NOL10: variants seen among roughly 807,000 people sequenced by gnomAD.
The protein encoded by NOL10 is nucleolar protein 10, also known as H_NH0074G24.1.
In NOL10, 58 loss-of-function variants were observed where a neutral mutation model predicts 103.5. That is an observed-to-expected ratio of 0.56 (90% CI 0.45 to 0.70). The LOEUF (loss-of-function observed/expected upper bound fraction) is 0.70. Ranked by LOEUF, NOL10 falls within the 30% of genes least tolerant of loss-of-function variation. The pLI is 0.00. For missense variants in NOL10, 763 were observed against 807.3 expected (o/e 0.95, Z 0.67); for synonymous variants, 287 against 282.5 (o/e 1.02, Z -0.16).
intron 20 of NOL10, among the ~76,000 whole-genome samples, chr2:10,576,956 T>C (rs1170791585): frequency 6.6e-6 from 1 of 152,108 alleles, no homozygotes; most frequent in East Asian, 1.9e-4. Context: ...TTCTATTTGG[T>C]GACTATATTG....
rs77723934 is a variant in NOL10 at position 10,595,144 on chromosome 2, C to CAGAGAGAGAGAGAGAGAGAGAGAG, written c.1423-5417_1423-5394dup. ...GCAAGAGGGAGGGAGGGGGAGGGGG[C>CAGAGAGAGAGAGAGAGAGAGAGAG]AGAGAGAGAGAGAGAGAGAGAGAGA... On this transcript the variant is annotated intron_variant, in intron 17 of 20. Coordinates refer to ENST00000381685, the MANE Select transcript of NOL10 (RefSeq NM_024894.4). Among the ~76,000 whole-genome samples, 285 of 124,198 alleles carry CAGAGAGAGAGAGAGAGAGAGAGAG rather than the reference C, an allele frequency of 2.3e-3. 1 individual carries two copies. Among genetic ancestry groups the CAGAGAGAGAGAGAGAGAGAGAGAG allele is most frequent in the African/African-American group, 6.2e-3 (200 of 32,120 alleles). 81.5% of individuals were successfully genotyped at this position (124,198 alleles called of 152,430 possible). A position where few individuals can be genotyped will look rare whatever the true frequency, so the allele number is the denominator to read the frequency against.
At chr2:10,688,170 ATCT>A (rs1409299563) in intron 1 of NOL10, among the ~76,000 whole-genome samples, 3 of 152,104 alleles carry the variant, frequency 2.0e-5, no homozygotes, top group Admixed American at 2.0e-4. Flanking sequence ...GTGTTTTAGC[ATCT>A]TCTTTGTTAC....
chr2:10,658,366 T>C (rs1366895495), intron 10 of NOL10, among the ~76,000 whole-genome samples: 2 of 152,160 alleles, frequency 1.3e-5, no homozygotes, highest in African/African-American at 2.4e-5. Context: ...AAAGCTCCCC[T>C]AGGATTAAGT....
intron 17 of NOL10, among the ~76,000 whole-genome samples, chr2:10,599,240 G>A (rs1675851277): frequency 6.6e-6 from 1 of 152,206 alleles, no homozygotes; most frequent in Non-Finnish European, 1.5e-5. Flanking sequence ...AACACAGATA[G>A]GAATGCAAAC....
At chr2:10,665,415 A>T (rs1241582648) in intron 8 of NOL10, among the ~76,000 whole-genome samples, 1 of 152,228 alleles carries the variant, frequency 6.6e-6, no homozygotes, top group Non-Finnish European at 1.5e-5. Flanking sequence ...TAGTTTGACA[A>T]TATTATGATA....
At position 10,684,581 on chromosome 2, in the gene NOL10, T is replaced by C. The variant is rs747531720; in HGVS notation, c.98A>G (p.Gln33Arg). 15 of 1,575,002 alleles carry C rather than the reference T, an allele frequency of 9.5e-6. No individual in the cohort carries two copies. The highest frequency in any genetic ancestry group is 1.2e-5 in the Non-Finnish European group (14 of 1,158,552). The change falls in exon 2 of 21, where the codon CAG becomes CGG. Residue 33 changes from glutamine to arginine, a missense_variant. Transcript: ENST00000381685. ...ACAATACTCACCTACATCTTTCTTC[T>C]GTAGCGCTCTCTTCTTCCTATCAGA... ...WLSDRKKRAL[Q>R]KKDVDVRRRI...
At chr2:10,685,871 C>T (rs1682160702) in intron 1 of NOL10, among the ~76,000 whole-genome samples, 1 of 109,452 alleles carries the variant, frequency 9.1e-6, no homozygotes, top group Admixed American at 8.9e-5. Flanking sequence ...CGAGACCAGC[C>T]TGGCAATAAA....
intron 13 of NOL10, among the ~76,000 whole-genome samples, chr2:10,629,421 T>A (rs1005967735): frequency 2.0e-5 from 3 of 152,060 alleles, no homozygotes; most frequent in African/African-American, 7.2e-5. Flanking sequence ...AAATGTTTAG[T>A]GGGAAAAAAA....
intron 3 of NOL10, among the ~76,000 whole-genome samples, chr2:10,676,804 A>G (rs1300253162): frequency 1.3e-5 from 2 of 151,428 alleles, no homozygotes; most frequent in East Asian, 3.9e-4. Flanking sequence ...TGCCCAGCTA[A>G]TTTTTGTATT....
Position 10,644,231 on chromosome 2 carries a change from G to A in NOL10, c.1026+89C>T, listed in dbSNP as rs150865839. ...CCACTGCACCCCAGCATCGGTGATC[G>A]CCAGACTCCGTCTCAAAAAATTAAA... On this transcript the variant is annotated intron_variant, in intron 13 of 20. Transcript: ENST00000381685. The A allele has an allele frequency of 6.8e-5, 67 of 984,304 alleles. No homozygotes were observed. In the African/African-American group the frequency reaches 7.2e-4, roughly 11 times the overall value. 61.0% of individuals were successfully genotyped at this position (984,304 alleles called of 1,614,324 possible).
chr2:10,661,597 C>G (rs1680212585), intron 9 of NOL10, among the ~76,000 whole-genome samples: 1 of 152,094 alleles, frequency 6.6e-6, no homozygotes, highest in Non-Finnish European at 1.5e-5. Context: ...TCTTGAACTC[C>G]TAACCTCAAG....
chr2:10,677,480 T>C (rs1266273155), intron 3 of NOL10, among the ~76,000 whole-genome samples: 4 of 147,128 alleles, frequency 2.7e-5, no homozygotes, highest in East Asian at 2.0e-4. Flanking sequence ...TTTTTTTTTT[T>C]CCTTTTTTGA....
intron 19 of NOL10, among the ~76,000 whole-genome samples, chr2:10,581,847 T>C (rs1475066364): frequency 1.3e-5 from 2 of 151,984 alleles, no homozygotes; most frequent in South Asian, 2.1e-4. Context: ...GTATGAACCA[T>C]TCATGTTAAA....
At chr2:10,624,104 G>A (rs912888856) in intron 13 of NOL10, among the ~76,000 whole-genome samples, 31 of 151,774 alleles carry the variant, frequency 2.0e-4, no homozygotes, top group Non-Finnish European at 3.8e-4. Flanking sequence ...GTTTTGGTCA[G>A]TATATCATCC....
At chr2:10,649,477 C>G (rs970862161) in intron 12 of NOL10, among the ~76,000 whole-genome samples, 23 of 151,980 alleles carry the variant, frequency 1.5e-4, no homozygotes, top group African/African-American at 5.3e-4. Context: ...CCTGCCACCA[C>G]GCTCAGCTAA....
At chr2:10,670,556 G>C (rs1680862834) in intron 6 of NOL10, among the ~76,000 whole-genome samples, 1 of 152,280 alleles carries the variant, frequency 6.6e-6, no homozygotes, top group South Asian at 2.1e-4. Flanking sequence ...CCAACAAGGT[G>C]AAACATCGCC....
At chr2:10,588,969 T>C (rs1347120054) in intron 19 of NOL10, 74 bp downstream of exon 19, 9 of 1,569,262 alleles carry the variant, frequency 5.7e-6, no homozygotes, top group Middle Eastern at 1.8e-4. Context: ...ATGTCATCTT[T>C]AGGGCAATGT....
intron 13 of NOL10, among the ~76,000 whole-genome samples, chr2:10,618,530 T>A (rs1676959977): frequency 6.6e-6 from 1 of 152,256 alleles, no homozygotes; most frequent in South Asian, 2.1e-4. Flanking sequence ...ATGATTAATA[T>A]TTGCAAAGTC....
At chr2:10,662,321 T>G (rs1157199343) in intron 9 of NOL10, among the ~76,000 whole-genome samples, 1 of 152,196 alleles carries the variant, frequency 6.6e-6, no homozygotes, top group African/African-American at 2.4e-5. Flanking sequence ...TAAGACTTAT[T>G]ATTAGCAGTG....
Sources: allele counts gnomAD v4.1 joint callset (sites outside exome capture counted in the v4.1 genomes callset), GRCh38; gene constraint gnomAD v4.1.1; transcripts MANE v1.5; gene names NCBI Gene and HGNC (gene_info 2026-07-23, HGNC 2026-07-21).